Variants in RET observed in about 807,000 individuals in gnomAD.
RET encodes ret proto-oncogene.
Under a neutral mutation model 118.3 loss-of-function variants are expected in RET, and 19 were observed. That is an observed-to-expected ratio of 0.16 (90% CI 0.11 to 0.24). The LOEUF is 0.24. RET is among the 10% of genes least tolerant of loss of function. RET has a pLI of 1.00. For synonymous variants in RET, 597 were observed against 644.1 expected, an observed-to-expected ratio of 0.93 and a Z score of 1.11; for missense variants, 1,219 against 1,502.1, an observed-to-expected ratio of 0.81 and a Z score of 3.12.
In RET at chr10:43,130,090, A is replaced by G. The variant is rs995283390; in HGVS notation, c.*1821A>G. On this transcript the variant is annotated 3_prime_UTR_variant, in exon 20 of 20. Coordinates refer to ENST00000355710, the MANE Select transcript of RET (RefSeq NM_020975.6). Reference sequence around the variant, plus strand: ...GTGATGGGGAATTTATCCTTGACCAATTTATCCTTGACCAATAACCTAATT... The same window carrying G: ...GTGATGGGGAATTTATCCTTGACCAGTTTATCCTTGACCAATAACCTAATT... 3.8e-5 allele frequency: 15 copies of G among 398,472 alleles called. No homozygotes were observed. The highest frequency in any genetic ancestry group is 8.8e-6 in the Non-Finnish European group (2 of 226,026). The allele number at this position is 398,472 out of a possible 1,614,324, so 24.7% of individuals were successfully genotyped here.
chr10:43,093,674 CAGAGG>C (rs1238032124), intron 1 of RET, among the ~76,000 whole-genome samples: 1 of 152,188 alleles, frequency 6.6e-6, no homozygotes, highest in Non-Finnish European at 1.5e-5. Context: ...GCACCAAAGA[CAGAGG>C]AGGTCCTGGG....
In RET at chr10:43,123,289, C is replaced by T. The variant is rs142719328; in HGVS notation, c.2802-382C>T. Among the ~76,000 whole-genome samples the T allele has an allele frequency of 2.6e-3, 398 of 152,244 alleles. 2 individuals carry two copies. The highest frequency in any genetic ancestry group is 4.5e-3 in the Non-Finnish European group (303 of 68,022). ...ATACAAGGCACTCTGAGTCTGGTGG[C>T]CTGCATTCTCACCGCTTTAAGTGTG... On this transcript the variant is annotated intron_variant, in intron 16 of 19. Coordinates refer to ENST00000355710, the MANE Select transcript of RET (RefSeq NM_020975.6).
intron 1 of RET, among the ~76,000 whole-genome samples, chr10:43,079,894 G>A (rs1457399308): frequency 1.3e-5 from 2 of 152,186 alleles, no homozygotes; most frequent in African/African-American, 4.8e-5. Context: ...TCTGGCCAGA[G>A]GCTTCACCAG....
At chr10:43,111,612 C>T (rs2132782503) in intron 7 of RET, 147 bp downstream of exon 7, 1 of 896,430 alleles carries the variant, frequency 1.1e-6, no homozygotes, top group South Asian at 1.8e-5. Flanking sequence ...AGTGACCCAG[C>T]AGTAAATGGT....
chr10:43,127,699 C>T (rs562560349), intron 19 of RET, among the ~76,000 whole-genome samples: 35 of 152,182 alleles, frequency 2.3e-4, no homozygotes, highest in African/African-American at 8.2e-4. Context: ...GGAAGGTCCT[C>T]TTCTCCGTTG....
At chr10:43,119,468 T>C (rs1588877005) in intron 13 of RET, 63 bp from the exon 14 acceptor site, 1 of 1,455,818 alleles carries the variant, frequency 6.9e-7, no homozygotes, top group Non-Finnish European at 9.3e-7. Context: ...CTCCCACCCC[T>C]GGCTCCTGGA....
Position 43,088,870 on chromosome 10 carries a change from C to T in RET, c.73+11539C>T, listed in dbSNP as rs149469258. 3.5e-3 allele frequency among the ~76,000 whole-genome samples: 533 copies of T among 152,318 alleles called. 1 individual carries two copies. Among genetic ancestry groups the T allele is most frequent in the Non-Finnish European group, 4.3e-3 (293 of 68,020 alleles). On this transcript the variant is annotated intron_variant, in intron 1 of 19. Coordinates refer to ENST00000355710, the MANE Select transcript of RET (RefSeq NM_020975.6). Reference sequence around the variant, plus strand: ...TCCTGTCTCCAACCAGCATTCACCTCCGGCCCTGTGCTGTTGCTGCTCATC... The same window carrying T: ...TCCTGTCTCCAACCAGCATTCACCTTCGGCCCTGTGCTGTTGCTGCTCATC...
At chr10:43,100,842 G>T in intron 2 of RET, 120 bp downstream of exon 2, 1 of 1,149,996 alleles carries the variant, frequency 8.7e-7, no homozygotes, top group Non-Finnish European at 1.3e-6. Context: ...TGGTGTGGAA[G>T]GCGTCAGGGG....
At position 43,102,418 on chromosome 10, in the gene RET, G is replaced by T. The variant is rs1588863961; in HGVS notation, c.414G>T (p.Gln138His). ...SPTSLREGEC[Q>H]WPGCARVYFS... ...CATCCCTTCGTGAGGGCGAGTGCCA[G>T]TGGCCAGGCTGTGCCCGCGTATACT... Residue 138 changes from glutamine (Q) to histidine (H), a missense_variant, in exon 3 of 20, where the codon CAG becomes CAT. Coordinates refer to ENST00000355710, the MANE Select transcript of RET (RefSeq NM_020975.6). 6.2e-7 allele frequency: 1 copy of T among 1,614,264 alleles called. No homozygotes were observed. The highest frequency in any genetic ancestry group is 2.2e-5 in the East Asian group (1 of 44,872).
chr10:43,077,820 C>T (rs1837083940), intron 1 of RET, among the ~76,000 whole-genome samples: 1 of 152,246 alleles, frequency 6.6e-6, no homozygotes. Context: ...GCTCTGCCGT[C>T]CTGGCCAGCC....
At chr10:43,126,471 G>A (rs1363455970) in intron 18 of RET, 104 bp from the exon 19 acceptor site, 3 of 1,032,398 alleles carry the variant, frequency 2.9e-6, no homozygotes, top group East Asian at 2.4e-5. Context: ...GGTGCGAGGT[G>A]GAGACACAGC....
In RET at chr10:43,128,852, T is replaced by C. The variant is rs1230841021; in HGVS notation, c.*583T>C. 2 of 237,220 alleles carry C rather than the reference T, an allele frequency of 8.4e-6. No homozygotes were observed. The highest frequency in any genetic ancestry group is 6.0e-5 in the East Asian group (1 of 16,656). The allele number at this position is 237,220 out of a possible 1,614,324, so 14.7% of individuals were successfully genotyped here. A position where few individuals can be genotyped will look rare whatever the true frequency, so the allele number is the denominator to read the frequency against. ...GGCCTGGGCTCAGCATTCGAGATCTTGAGAATGATTTTTTTTAAATCATGC... is the reference window on the plus strand; with the variant it reads ...GGCCTGGGCTCAGCATTCGAGATCTCGAGAATGATTTTTTTTAAATCATGC... On this transcript the variant is annotated 3_prime_UTR_variant, in exon 20 of 20. Transcript: ENST00000355710.
rs570873877 is a variant in RET, at chr10:43,106,280, G to A, written c.868-96G>A. 4.8e-4 allele frequency: 578 copies of A among 1,202,096 alleles called. 7 individuals are homozygous for A. The South Asian group carries it at 6.8e-3, about 14-fold the overall frequency. 74.5% of individuals were successfully genotyped at this position (1,202,096 alleles called of 1,614,324 possible). On this transcript the variant is annotated intron_variant, in intron 4 of 19. Coordinates refer to ENST00000355710, the MANE Select transcript of RET (RefSeq NM_020975.6). This position sits in a 1 kb window ranked among gnomAD's most constrained non-coding sequence, Gnocchi z 5.1. ...CAACACACATCTGGTCCACCTATGG[G>A]CTGTGTGGGACGTGCAGCATTCTAA...
intron 1 of RET, among the ~76,000 whole-genome samples, chr10:43,087,295 A>G (rs892156248): frequency 6.6e-6 from 1 of 152,166 alleles, no homozygotes; most frequent in African/African-American, 2.4e-5. Flanking sequence ...GAGGAGAGGT[A>G]TCTGAGGAGA....
rs1324777252 is a variant in RET at position 43,111,230 on chromosome 10, C to A, written c.1287C>A (p.Asn429Lys). 1.9e-6 allele frequency: 3 copies of A among 1,613,982 alleles called. No homozygotes were observed. The highest frequency in any genetic ancestry group is 4.5e-5 in the East Asian group (2 of 44,896). Reference protein sequence around the residue: ...FAQIGKVCVENCQAFSGINVQ... With the variant: ...FAQIGKVCVEKCQAFSGINVQ... ...AGATCGGGAAAGTCTGTGTGGAAAA[C>A]TGCCAGGCATTCAGTGGCATCAACG... The change falls in exon 7 of 20, where the codon AAC becomes AAA. Residue 429 changes from asparagine to lysine, a missense_variant. Coordinates refer to ENST00000355710, the MANE Select transcript of RET (RefSeq NM_020975.6).
rs1838379290 is a variant in RET, at chr10:43,128,289, A to G, written c.*20A>G. ...AGTTAACATTTCTTTGTGAAAGGTA[A>G]TGGACTCACAAGGGGAAGAAACATG... On this transcript the variant is annotated 3_prime_UTR_variant, in exon 20 of 20. Coordinates refer to ENST00000355710, the MANE Select transcript of RET (RefSeq NM_020975.6). 1.9e-6 allele frequency: 3 copies of G among 1,613,868 alleles called. No individual in the cohort carries two copies. The highest frequency in any genetic ancestry group is 2.5e-6 in the Non-Finnish European group (3 of 1,179,720).
rs1838294514 is a variant in RET, at chr10:43,124,841, G to A, written c.2940-42G>A. The A allele has an allele frequency of 3.1e-6, 5 of 1,595,682 alleles. No individual in the cohort carries two copies. In the South Asian group the frequency reaches 5.5e-5, roughly 18 times the overall value. Reference sequence around the variant, plus strand: ...TGGTGGGCTGTCCTTCTGAGACCTGGCCCTGCTTGGATCATATTGGCCTGT... The same window carrying A: ...TGGTGGGCTGTCCTTCTGAGACCTGACCCTGCTTGGATCATATTGGCCTGT... On this transcript the variant is annotated intron_variant, in intron 17 of 19. Transcript: ENST00000355710.
chr10:43,104,922 A>T (rs1265778484), intron 3 of RET, 30 bp from the exon 4 acceptor site: 2 of 1,546,740 alleles, frequency 1.3e-6, no homozygotes, highest in South Asian at 2.4e-5. Context: ...GCTGGTGATC[A>T]CGCGGGGCCC....
In RET at chr10:43,126,586, C is replaced by G. The variant is rs993057046; in HGVS notation, c.3051C>G (p.Asp1017Glu). Residue 1017 changes from aspartate to glutamate, a missense_variant, in exon 19 of 20, where the codon GAC becomes GAG. Asp to Glu is a conservative substitution (Grantham distance 45). Transcript: ENST00000355710. ...TCTCTGTCTTCCAGGACTACTTGGACCTTGCGGCGTCCACTCCATCTGACT... is the reference window on the plus strand; with the variant it reads ...TCTCTGTCTTCCAGGACTACTTGGAGCTTGCGGCGTCCACTCCATCTGACT... The part of the protein sequence containing the change: ...KMMVKRRDYL[D>E]LAASTPSDSL... The G allele has an allele frequency of 6.2e-7, 1 of 1,614,016 alleles. No individual in the cohort carries two copies. The highest frequency in any genetic ancestry group is 1.3e-5 in the African/African-American group (1 of 75,012).
Sources: gnomAD v4.1 joint callset for allele counts (sites outside exome capture counted in the v4.1 genomes callset) on GRCh38, gnomAD v4.1.1 for gene constraint, Gnocchi (gnomAD v3.1) non-coding constraint, MANE v1.5 for transcripts, NCBI Gene and HGNC (gene_info 2026-07-23, HGNC 2026-07-21) for gene names.